The following SLC4A4 variants were observed in gnomAD, a reference collection of about 807,000 sequenced individuals.
SLC4A4 encodes the protein electrogenic sodium bicarbonate cotransporter 1.
A neutral mutation model predicts 111.5 loss-of-function variants in SLC4A4; 27 were observed. That is an observed-to-expected ratio of 0.24 (90% CI 0.18 to 0.33). The LOEUF is 0.33. Ranked by LOEUF, SLC4A4 falls within the 10% of genes least tolerant of loss-of-function variation. The probability of loss-of-function intolerance (pLI) is 1.00; values close to 1 mark genes in which losing one functional copy is unlikely to be tolerated. For synonymous variants in SLC4A4, 443 were observed against 463.4 expected, an observed-to-expected ratio of 0.96 and a Z score of 0.57; for missense variants, 909 against 1,315.5, an observed-to-expected ratio of 0.69 and a Z score of 4.78.
At chr4:71,120,703 A>G (rs986510095) in intron 2 of SLC4A4, among the ~76,000 whole-genome samples, 38 of 152,216 alleles carry the variant, frequency 2.5e-4, no homozygotes, top group African/African-American at 9.2e-4. Context: ...CCCCATCTCT[A>G]ATAAAAATAC....
In SLC4A4 at chr4:71,497,687, A is replaced by T; in HGVS notation, c.2161A>T (p.Thr721Ser). Residue 721 changes from threonine to serine, a missense_variant, in exon 16 of 26, where the codon ACC becomes TCC. Physicochemically the swap from Thr to Ser is moderately conservative, Grantham distance 58 (BLOSUM62 1). This residue lies in a region of SLC4A4 where 264 missense variants were observed against 356.8 expected (regional missense o/e 0.74). Coordinates refer to ENST00000264485, the MANE Select transcript of SLC4A4 (RefSeq NM_001098484.3). ...KKFKTSPYFP[T>S]TARKLISDFA... ...ATTCAAAACTAGTCCTTATTTTCCA[A>T]CCACAGTAAGTACCTGAACTTTAAA... The T allele has an allele frequency of 6.2e-7, 1 of 1,611,060 alleles. No individual in the cohort carries two copies. The highest frequency in any genetic ancestry group is 8.5e-7 in the Non-Finnish European group (1 of 1,177,494).
intron 1 of SLC4A4, among the ~76,000 whole-genome samples, chr4:71,197,560 A>G (rs983420801): frequency 6.6e-6 from 1 of 152,192 alleles, no homozygotes; most frequent in Non-Finnish European, 1.5e-5. Context: ...AATACAGTGC[A>G]GAGAGTTTTT....
chr4:71,380,625 T>C (rs1718047847), intron 6 of SLC4A4, among the ~76,000 whole-genome samples: 1 of 152,202 alleles, frequency 6.6e-6, no homozygotes, highest in Non-Finnish European at 1.5e-5. Flanking sequence ...CAATGGTTAT[T>C]ATCATGAGTA....
At chr4:71,065,493 A>G (rs1383380301) in intron 1 of SLC4A4, among the ~76,000 whole-genome samples, 1 of 152,188 alleles carries the variant, frequency 6.6e-6, no homozygotes, top group African/African-American at 2.4e-5. Flanking sequence ...AGATGAAAAT[A>G]TATTTTCTTC....
chr4:71,296,534 G>T (rs1272149019), intron 3 of SLC4A4, among the ~76,000 whole-genome samples: 1 of 152,056 alleles, frequency 6.6e-6, no homozygotes, highest in South Asian at 2.1e-4. Context: ...TATTTTTTTG[G>T]GGGGGAACCA....
intron 13 of SLC4A4, among the ~76,000 whole-genome samples, chr4:71,472,458 C>T (rs1375527565): frequency 6.6e-6 from 1 of 151,896 alleles, no homozygotes; most frequent in Non-Finnish European, 1.5e-5. Flanking sequence ...AAGGTTTTCA[C>T]ATATAAATGA....
chr4:71,293,563 A>AG (rs1030152952), intron 3 of SLC4A4, among the ~76,000 whole-genome samples: 1 of 152,104 alleles, frequency 6.6e-6, no homozygotes, highest in African/African-American at 2.4e-5. Flanking sequence ...AAAAAAAAAA[A>AG]AAATCCAGAA....
chr4:71,101,644 A>G (rs578081294), intron 2 of SLC4A4, among the ~76,000 whole-genome samples: 1 of 152,042 alleles, frequency 6.6e-6, no homozygotes, highest in East Asian at 1.9e-4. Flanking sequence ...CTGGGAGGCA[A>G]CCCCCAGCAG....
intron 6 of SLC4A4, among the ~76,000 whole-genome samples, chr4:71,370,123 T>C (rs951707738): frequency 6.6e-6 from 1 of 152,240 alleles, no homozygotes; most frequent in Non-Finnish European, 1.5e-5. Context: ...TGTTATGCTA[T>C]TTAATTTTCT....
At chr4:71,151,813 C>A (rs1025945958) in intron 2 of SLC4A4, among the ~76,000 whole-genome samples, 2 of 151,016 alleles carry the variant, frequency 1.3e-5, no homozygotes, top group African/African-American at 4.9e-5. Context: ...GTAATCCCAG[C>A]ACTTTGGGAA....
intron 2 of SLC4A4, among the ~76,000 whole-genome samples, chr4:71,116,506 C>G (rs1743270787): frequency 6.6e-6 from 1 of 152,198 alleles, no homozygotes; most frequent in African/African-American, 2.4e-5. Flanking sequence ...CATCTTCTTT[C>G]TAAGCCACAC....
At chr4:71,134,637 T>C (rs1053219396) in intron 2 of SLC4A4, among the ~76,000 whole-genome samples, 6 of 152,240 alleles carry the variant, frequency 3.9e-5, no homozygotes, top group Non-Finnish European at 8.8e-5. Flanking sequence ...TTGCTCCGAA[T>C]AGAAGCCCCA....
At chr4:71,191,951 G>A (rs1745750611) in intron 1 of SLC4A4, among the ~76,000 whole-genome samples, 1 of 152,024 alleles carries the variant, frequency 6.6e-6, no homozygotes, top group South Asian at 2.1e-4. Flanking sequence ...CTCCTAGTAT[G>A]CTTTTTTGGG....
intron 1 of SLC4A4, among the ~76,000 whole-genome samples, chr4:71,068,290 C>A (rs1671377380): frequency 6.6e-6 from 1 of 152,010 alleles, no homozygotes; most frequent in Admixed American, 6.5e-5. Context: ...GTCTCGAACT[C>A]CTGACCTCAG....
intron 3 of SLC4A4, among the ~76,000 whole-genome samples, chr4:71,305,748 A>G (rs937969901): frequency 6.6e-6 from 1 of 152,216 alleles, no homozygotes; most frequent in Non-Finnish European, 1.5e-5. Flanking sequence ...TGTACGAGGA[A>G]TCTAGGAACT....
chr4:71,171,163 T>TG (rs113329652), intron 2 of SLC4A4, among the ~76,000 whole-genome samples: 2,784 of 147,650 alleles, frequency 0.019, 56 homozygotes, highest in African/African-American at 0.054. Context: ...TGTTTTGTTT[T>TG]TTTTTTTTTT....
At chr4:71,384,485 G>T (rs1718468292) in intron 6 of SLC4A4, among the ~76,000 whole-genome samples, 1 of 151,964 alleles carries the variant, frequency 6.6e-6, no homozygotes, top group South Asian at 2.1e-4. Context: ...TTTACTGCAT[G>T]AGGAAGCCAA....
intron 5 of SLC4A4, among the ~76,000 whole-genome samples, chr4:71,353,711 C>G (rs1216063653): frequency 6.6e-6 from 1 of 152,052 alleles, no homozygotes; most frequent in Non-Finnish European, 1.5e-5. Context: ...AGATGCATCT[C>G]CCCCCGCACC....
rs560556985 is a variant in SLC4A4, at chr4:71,520,487, T to C, written c.2167-11575T>C. Among the ~76,000 whole-genome samples the C allele has an allele frequency of 3.3e-5, 5 of 152,362 alleles. No homozygotes were observed. The South Asian group carries it at 1.0e-3, about 32-fold the overall frequency. ...GCACAATGTGTGAGAATCCAGGACC[T>C]GTAGATTCTAGTGCCAGCACTACCA... On this transcript the variant is annotated intron_variant, in intron 16 of 25. Coordinates refer to ENST00000264485, the MANE Select transcript of SLC4A4 (RefSeq NM_001098484.3).
Sources: gnomAD v4.1 joint callset for allele counts (sites outside exome capture counted in the v4.1 genomes callset) on GRCh38, gnomAD v4.1.1 for gene constraint, gnomAD v4.1.1 regional missense constraint, MANE v1.5 for transcripts, NCBI Gene and HGNC (gene_info 2026-07-23, HGNC 2026-07-21) for gene names.